The following MCC variants were observed in gnomAD, a reference collection of about 807,000 sequenced individuals.
MCC encodes the protein MCC regulator of Wnt signaling pathway.
Under a neutral mutation model 116.2 loss-of-function variants are expected in MCC, and 90 were observed. The ratio of observed to expected loss-of-function variants is 0.77; its 90% CI spans 0.65 to 0.92. The LOEUF (loss-of-function observed/expected upper bound fraction) is 0.92. Among genes scored for constraint, MCC ranks in the 40% least tolerant of loss-of-function variants. The pLI, the probability that MCC is intolerant of heterozygous loss-of-function variation, is 0.00. For missense variants in MCC, 1,516 were observed against 1,312.2 expected (o/e 1.16, Z -2.40); for synonymous variants, 578 against 510.5 (o/e 1.13, Z -1.78).
intron 2 of MCC, among the ~76,000 whole-genome samples, chr5:113,350,947 T>C (rs951661585): frequency 3.9e-5 from 6 of 152,132 alleles, no homozygotes; most frequent in African/African-American, 7.2e-5. Context: ...CTCAACATCA[T>C]TGATTATCAG....
intron 3 of MCC, among the ~76,000 whole-genome samples, chr5:113,286,706 T>C (rs906236983): frequency 1.1e-4 from 17 of 152,214 alleles, no homozygotes; most frequent in Admixed American, 7.2e-4. Context: ...GGTATGGCAA[T>C]TGGAATTAAT....
chr5:113,030,020 C>A (rs1451408038), intron 17 of MCC, among the ~76,000 whole-genome samples: 2 of 152,196 alleles, frequency 1.3e-5, no homozygotes, highest in African/African-American at 4.8e-5. Flanking sequence ...AGCTTTAGAA[C>A]AACTTACTGA....
intron 3 of MCC, among the ~76,000 whole-genome samples, chr5:113,251,763 GGGCTGCTGTACTT>G (rs2150344034): frequency 6.6e-6 from 1 of 152,280 alleles, no homozygotes; most frequent in South Asian, 2.1e-4. Context: ...ACATGCCTAT[GGGCTGCTGTACTT>G]GGCTGCTGAG....
At chr5:113,340,952 C>T (rs1581412372) in intron 2 of MCC, among the ~76,000 whole-genome samples, 1 of 152,140 alleles carries the variant, frequency 6.6e-6, no homozygotes, top group Admixed American at 6.5e-5. Context: ...AACAACTGTC[C>T]CATGAATATG....
At chr5:113,215,289 G>T (rs1763271244) in intron 3 of MCC, among the ~76,000 whole-genome samples, 1 of 152,198 alleles carries the variant, frequency 6.6e-6, no homozygotes, top group Non-Finnish European at 1.5e-5. Flanking sequence ...TTGGTGGGGG[G>T]AGGAAAGGGA....
chr5:113,066,161 T>C (rs539660782), intron 13 of MCC, among the ~76,000 whole-genome samples: 185 of 152,326 alleles, frequency 1.2e-3, no homozygotes, highest in Non-Finnish European at 2.0e-3. Context: ...AAAAGGCAGA[T>C]TTATTTAAGC....
chr5:113,324,938 T>A (rs1330463011), intron 3 of MCC, among the ~76,000 whole-genome samples: 1 of 150,468 alleles, frequency 6.6e-6, no homozygotes, highest in Non-Finnish European at 1.5e-5. Flanking sequence ...GCTTAAGGGA[T>A]CCTCCCACCC....
intron 6 of MCC, among the ~76,000 whole-genome samples, chr5:113,107,327 C>A (rs1160541951): frequency 6.6e-6 from 1 of 151,364 alleles, no homozygotes; most frequent in Non-Finnish European, 1.5e-5. Flanking sequence ...AAGTGATTCT[C>A]CTATCTCAGC....
chr5:113,132,410 A>C (rs1758495241), intron 5 of MCC, among the ~76,000 whole-genome samples: 1 of 122,158 alleles, frequency 8.2e-6, no homozygotes, highest in African/African-American at 3.5e-5. Context: ...ATACATACAT[A>C]TATATATACA....
chr5:113,446,386 C>T (rs761131571), intron 1 of MCC, among the ~76,000 whole-genome samples: 1 of 151,578 alleles, frequency 6.6e-6, no homozygotes, highest in African/African-American at 2.4e-5. Context: ...CTATAAGGAA[C>T]TGAAATCAAC....
In MCC at chr5:113,340,692, A is replaced by G; in HGVS notation, c.454T>C (p.Ser152Pro). Residue 152 changes from serine to proline, a missense_variant, in exon 3 of 19, where the codon TCT becomes CCT. Physicochemically the swap from Ser to Pro is moderately conservative, Grantham distance 74. Coordinates refer to ENST00000408903, the MANE Select transcript of MCC (RefSeq NM_001085377.2). ...GGGCTCTGGAGGTCCCTGGCACCAGAGTCGTATTCCCAGCTCTCCCTGGCT... is the reference window on the plus strand; with the variant it reads ...GGGCTCTGGAGGTCCCTGGCACCAGGGTCGTATTCCCAGCTCTCCCTGGCT... ...SAARESWEYD[S>P]GARDLQSPDV... is the part of the protein sequence containing the mutation. 6.2e-7 allele frequency: 1 copy of G among 1,613,890 alleles called. No individual in the cohort carries two copies. The highest frequency in any genetic ancestry group is 8.5e-7 in the Non-Finnish European group (1 of 1,180,022).
At chr5:113,093,394 C>G (rs1755777425) in intron 8 of MCC, among the ~76,000 whole-genome samples, 1 of 152,110 alleles carries the variant, frequency 6.6e-6, no homozygotes, top group African/African-American at 2.4e-5. Context: ...TGTGATTACA[C>G]CTGTCAATAG....
At chr5:113,045,380 GC>G (rs1752001635) in intron 16 of MCC, among the ~76,000 whole-genome samples, 1 of 152,150 alleles carries the variant, frequency 6.6e-6, no homozygotes, top group Non-Finnish European at 1.5e-5. Context: ...CCCGCCAGCT[GC>G]TTTTTATGAC....
intron 1 of MCC, among the ~76,000 whole-genome samples, chr5:113,389,261 A>C (rs1410251697): frequency 6.6e-6 from 1 of 152,204 alleles, no homozygotes; most frequent in Non-Finnish European, 1.5e-5. Flanking sequence ...AATGACGTAC[A>C]GTCCCCTGTG....
At position 113,107,880 on chromosome 5, in the gene MCC, G is replaced by C. The variant is rs568352210; in HGVS notation, c.1028-3525C>G. Among the ~76,000 whole-genome samples the C allele has an allele frequency of 4.4e-3, 670 of 152,288 alleles. 5 individuals carry two copies. The highest frequency in any genetic ancestry group is 0.015 in the African/African-American group (627 of 41,542). On this transcript the variant is annotated intron_variant, in intron 6 of 18. Coordinates refer to ENST00000408903, the MANE Select transcript of MCC (RefSeq NM_001085377.2). Reference sequence around the variant, plus strand: ...TTACAGGGAGCAGGAAGAGGGGCTAGGCATGTGACTAGTATTTCCTTCTCA... The same window carrying C: ...TTACAGGGAGCAGGAAGAGGGGCTACGCATGTGACTAGTATTTCCTTCTCA...
chr5:113,066,663 G>A (rs1425821923), intron 13 of MCC, among the ~76,000 whole-genome samples: 2 of 152,224 alleles, frequency 1.3e-5, no homozygotes, highest in Non-Finnish European at 2.9e-5. Context: ...ACATGTGAGT[G>A]TTCAGTGCAA....
intron 1 of MCC, among the ~76,000 whole-genome samples, chr5:113,482,052 T>C (rs1250004792): frequency 2.0e-5 from 3 of 152,212 alleles, no homozygotes; most frequent in Non-Finnish European, 2.9e-5. Flanking sequence ...CACTTAGCAT[T>C]AATGTTTTCA....
intron 17 of MCC, among the ~76,000 whole-genome samples, chr5:113,030,459 A>T (rs1382917315): frequency 1.3e-5 from 2 of 152,164 alleles, no homozygotes; most frequent in African/African-American, 4.8e-5. Flanking sequence ...AATGTGGATT[A>T]CTTGAGCTCA....
At chr5:113,328,928 T>A (rs372707180) in intron 3 of MCC, among the ~76,000 whole-genome samples, 1 of 152,148 alleles carries the variant, frequency 6.6e-6, no homozygotes, top group East Asian at 1.9e-4. Context: ...ACAAATGATT[T>A]CCCAATGACA....
Sources: gnomAD v4.1 joint callset for allele counts (sites outside exome capture counted in the v4.1 genomes callset) on GRCh38, gnomAD v4.1.1 for gene constraint, MANE v1.5 for transcripts, NCBI Gene and HGNC (gene_info 2026-07-23, HGNC 2026-07-21) for gene names.